CHST6: variants seen among roughly 807,000 people sequenced by gnomAD.
CHST6 encodes N-acetylglucosamine 6-O-sulfotransferase 5.
For synonymous variants in CHST6, 309 were observed against 276.4 expected (o/e 1.12, Z -1.17); for missense variants, 698 against 586.2 (o/e 1.19, Z -1.97).
At chr16:75,484,752 G>A (rs368048126) in intron 1 of CHST6, among the ~76,000 whole-genome samples, 3 of 152,194 alleles carry the variant, frequency 2.0e-5, no homozygotes, top group African/African-American at 7.2e-5. Context: ...GCTGAGGCAG[G>A]AGAATCATTT....
intron 1 of CHST6, among the ~76,000 whole-genome samples, chr16:75,484,248 A>C (rs1002442340): frequency 6.6e-6 from 1 of 151,572 alleles, no homozygotes; most frequent in African/African-American, 2.4e-5. Flanking sequence ...GAGGCAGGAG[A>C]ATTGCTTGAA....
At chr16:75,482,828 G>A (rs991214384) in intron 1 of CHST6, among the ~76,000 whole-genome samples, 1 of 152,110 alleles carries the variant, frequency 6.6e-6, no homozygotes, top group African/African-American at 2.4e-5. Context: ...CTCATCAGGA[G>A]GCAACAGGGG....
intron 1 of CHST6, among the ~76,000 whole-genome samples, chr16:75,488,784 G>A (rs1192920839): frequency 1.3e-5 from 2 of 151,902 alleles, no homozygotes; most frequent in African/African-American, 2.4e-5. Context: ...TGTAATGGGA[G>A]GCTGAGGCAG....
At chr16:75,480,356 C>T (rs2080126390) in intron 2 of CHST6, among the ~76,000 whole-genome samples, 1 of 152,154 alleles carries the variant, frequency 6.6e-6, no homozygotes, top group African/African-American at 2.4e-5. Context: ...CACTGACATA[C>T]ATAGCCTGTG....
chr16:75,472,849 A>G lies in CHST6; in HGVS notation c.*5792T>C, dbSNP rs902976081. On this transcript the variant is annotated 3_prime_UTR_variant, in exon 3 of 3. Coordinates refer to ENST00000332272, the MANE Select transcript of CHST6 (RefSeq NM_021615.5). ...GCAACACTGTTTCTATGCACCCATCAGCCCATCTAGTGCTTTGATTGCCCC... is the reference window on the plus strand; with the variant it reads ...GCAACACTGTTTCTATGCACCCATCGGCCCATCTAGTGCTTTGATTGCCCC... 1 of 152,212 alleles carries G rather than the reference A, an allele frequency of 6.6e-6. No individual in the cohort carries two copies. The highest frequency in any genetic ancestry group is 2.4e-5 in the African/African-American group (1 of 41,456). 9.4% of individuals were successfully genotyped at this position (152,212 alleles called of 1,614,324 possible).
intron 2 of CHST6, among the ~76,000 whole-genome samples, chr16:75,480,927 CA>C (rs60465949): frequency 1.9e-4 from 21 of 111,378 alleles, no homozygotes; most frequent in Admixed American, 2.9e-4. Flanking sequence ...AACTTCATTC[CA>C]AAAAAAAAAA....
rs367671211 is a variant in CHST6, at chr16:75,479,288, G to A, written c.541C>T (p.Leu181=). Residue 181 remains leucine, a synonymous_variant, in exon 3 of 3, where the codon CTG becomes TTG. Coordinates refer to ENST00000332272, the MANE Select transcript of CHST6 (RefSeq NM_021615.5). Reference sequence around the variant, plus strand: ...CTGAGCAGCGGGTAGAGCACCTGCAGGTTGAAGAAGCGCACCTCCTTGAGC... The same window carrying A: ...CTGAGCAGCGGGTAGAGCACCTGCAAGTTGAAGAAGCGCACCTCCTTGAGC... ...VVLKEVRFFN[L]QVLYPLLSDP... 1.9e-6 allele frequency: 3 copies of A among 1,613,202 alleles called. No homozygotes were observed. In the African/African-American group the frequency reaches 4.0e-5, roughly 21 times the overall value.
In CHST6 at chr16:75,485,813, A is replaced by T. The variant is rs570602455; in HGVS notation, c.-91-3922T>A. ...AGACACATCTGGCTATGTGACGGTC[A>T]AGGGACCTGATGGTGTCCCAGTGGA... is the stretch of plus-strand genomic sequence containing the variant. On this transcript the variant is annotated intron_variant, in intron 1 of 2. Coordinates refer to ENST00000332272, the MANE Select transcript of CHST6 (RefSeq NM_021615.5). Among the ~76,000 whole-genome samples, 9 of 152,184 alleles carry T rather than the reference A, an allele frequency of 5.9e-5. No homozygotes were observed. In the South Asian group the frequency reaches 1.9e-3, roughly 32 times the overall value.
chr16:75,484,172 T>C (rs1288929031), intron 1 of CHST6, among the ~76,000 whole-genome samples: 1 of 150,908 alleles, frequency 6.6e-6, no homozygotes, highest in Non-Finnish European at 1.5e-5. Context: ...ACCCCGTCTC[T>C]ACTAAAAATA....
At chr16:75,483,060 T>G (rs566026680) in intron 1 of CHST6, among the ~76,000 whole-genome samples, 74 of 152,258 alleles carry the variant, frequency 4.9e-4, no homozygotes, top group Non-Finnish European at 9.3e-4. Flanking sequence ...TGCTAGGTGC[T>G]TCAAGTCCAC....
chr16:75,489,413 A>AG (rs1555501621), intron 1 of CHST6, among the ~76,000 whole-genome samples: 13 of 151,544 alleles, frequency 8.6e-5, no homozygotes, highest in African/African-American at 2.2e-4. Context: ...AAAAAAAAAA[A>AG]AAAAAAGAAA....
intron 1 of CHST6, among the ~76,000 whole-genome samples, chr16:75,482,523 G>C (rs960589191): frequency 6.6e-6 from 1 of 152,142 alleles, no homozygotes; most frequent in African/African-American, 2.4e-5. Flanking sequence ...GGGCAACAAG[G>C]GGGAAACTCC....
rs749552969 is a variant in CHST6, at chr16:75,475,459, C to T, written c.*3182G>A. ...CCACTAACAGTGGTCAATGCAGTCACCCCCACAGCAACCCAGAGCTCTGTG... is the reference window on the plus strand; with the variant it reads ...CCACTAACAGTGGTCAATGCAGTCATCCCCACAGCAACCCAGAGCTCTGTG... On this transcript the variant is annotated 3_prime_UTR_variant, in exon 3 of 3. Coordinates refer to ENST00000332272, the MANE Select transcript of CHST6 (RefSeq NM_021615.5). 1.3e-5 allele frequency: 2 copies of T among 152,452 alleles called. No individual in the cohort carries two copies. Among genetic ancestry groups the T allele is most frequent in the Non-Finnish European group, 2.9e-5 (2 of 68,212 alleles). 9.4% of individuals were successfully genotyped at this position (152,452 alleles called of 1,614,324 possible). A position where few individuals can be genotyped will look rare whatever the true frequency, so the allele number is the denominator to read the frequency against.
chr16:75,479,885 A>C, intron 2 of CHST6, 41 bp from the exon 3 acceptor site: 3 of 1,510,370 alleles, frequency 2.0e-6, no homozygotes, highest in Non-Finnish European at 2.7e-6. Context: ...TGCAGCCTGC[A>C]CGCCCATCCC....
At chr16:75,483,912 T>C (rs2080168053) in intron 1 of CHST6, among the ~76,000 whole-genome samples, 1 of 152,004 alleles carries the variant, frequency 6.6e-6, no homozygotes, top group African/African-American at 2.4e-5. Context: ...TAGTCCCAAC[T>C]ACTCAGGAGG....
chr16:75,481,927 C>T (rs2080146284), intron 1 of CHST6, 36 bp from the exon 2 acceptor site: 2 of 457,800 alleles, frequency 4.4e-6, no homozygotes, highest in Non-Finnish European at 8.9e-6. Context: ...TCACACTCTA[C>T]AGGGGAAGAT....
rs990609827 is a variant in CHST6, at chr16:75,474,330, A to G, written c.*4311T>C. On this transcript the variant is annotated 3_prime_UTR_variant, in exon 3 of 3. Coordinates refer to ENST00000332272, the MANE Select transcript of CHST6 (RefSeq NM_021615.5). ...TGCTCTGTCACTCAGGCTGGAGTGC[A>G]CTGGCATGATCATGGTTCAATGTAG... 8.5e-6 allele frequency: 3 copies of G among 351,756 alleles called. No homozygotes were observed. Among genetic ancestry groups the G allele is most frequent in the Non-Finnish European group, 1.5e-5 (3 of 197,036 alleles). The allele number at this position is 351,756 out of a possible 1,614,324, so 21.8% of individuals were successfully genotyped here. A position where few individuals can be genotyped will look rare whatever the true frequency, so the allele number is the denominator to read the frequency against.
At chr16:75,491,725 A>G (rs1228062004) in intron 1 of CHST6, among the ~76,000 whole-genome samples, 1 of 152,150 alleles carries the variant, frequency 6.6e-6, no homozygotes, top group Non-Finnish European at 1.5e-5. Flanking sequence ...TCTACATCAG[A>G]CTTTTACTAC....
intron 1 of CHST6, among the ~76,000 whole-genome samples, chr16:75,483,987 G>A (rs1013890461): frequency 6.6e-6 from 1 of 151,992 alleles, no homozygotes; most frequent in Non-Finnish European, 1.5e-5. Context: ...CTGTGTGACT[G>A]CACTCCAGCC....
Sources: allele counts gnomAD v4.1 joint callset (sites outside exome capture counted in the v4.1 genomes callset), GRCh38; gene constraint gnomAD v4.1.1; transcripts MANE v1.5; gene names NCBI Gene and HGNC (gene_info 2026-07-23, HGNC 2026-07-21).